NLGN1: variants seen among roughly 807,000 people sequenced by gnomAD.
NLGN1 encodes neuroligin 1.
Under a neutral mutation model 65.5 loss-of-function variants are expected in NLGN1, and 12 were observed. The ratio of observed to expected loss-of-function variants is 0.18; its 90% CI spans 0.12 to 0.30. The LOEUF (loss-of-function observed/expected upper bound fraction) is 0.30. NLGN1 is among the 10% of genes least tolerant of loss of function. The pLI, the probability that NLGN1 is intolerant of heterozygous loss-of-function variation, is 1.00. For synonymous variants in NLGN1, 350 were observed against 359.5 expected (o/e 0.97, Z 0.30); for missense variants, 750 against 1,007.1 (o/e 0.74, Z 3.46).
chr3:174,247,199 A>G (rs1345145887), intron 4 of NLGN1, among the ~76,000 whole-genome samples: 1 of 152,210 alleles, frequency 6.6e-6, no homozygotes, highest in Non-Finnish European at 1.5e-5. Context: ...GATCAATATC[A>G]AAGGTTCTTC....
At chr3:173,852,355 C>CAAAAAAAAA (rs71162367) in intron 4 of NLGN1, among the ~76,000 whole-genome samples, 4 of 46,660 alleles carry the variant, frequency 8.6e-5, no homozygotes, top group African/African-American at 3.3e-4. Flanking sequence ...GACTCCGTCT[C>CAAAAAAAAA]AAAAAAAAAA....
intron 4 of NLGN1, among the ~76,000 whole-genome samples, chr3:174,273,490 A>AGAGTT (rs1749888683): frequency 6.6e-6 from 1 of 151,740 alleles, no homozygotes; most frequent in African/African-American, 2.4e-5. Context: ...GATAGCAAAT[A>AGAGTT]GAGTTAAAAG....
intron 2 of NLGN1, among the ~76,000 whole-genome samples, chr3:173,594,038 G>T (rs982533033): frequency 3.9e-5 from 6 of 152,172 alleles, no homozygotes; most frequent in South Asian, 2.1e-4. Flanking sequence ...CAGGATGAGA[G>T]TTGGGTGGGG....
chr3:173,651,115 C>T (rs1466754269), intron 3 of NLGN1, among the ~76,000 whole-genome samples: 1 of 151,734 alleles, frequency 6.6e-6, no homozygotes, highest in Non-Finnish European at 1.5e-5. Flanking sequence ...CTCCAGTATC[C>T]ATTATTCCAC....
intron 2 of NLGN1, among the ~76,000 whole-genome samples, chr3:173,508,789 C>T (rs188331481): frequency 7.9e-5 from 12 of 152,288 alleles, no homozygotes; most frequent in Admixed American, 4.6e-4. Flanking sequence ...TCTTATCGAA[C>T]TCTCCTCTCC....
chr3:174,138,682 C>T (rs1721704212), intron 4 of NLGN1, among the ~76,000 whole-genome samples: 7 of 152,202 alleles, frequency 4.6e-5, no homozygotes, highest in Admixed American at 3.9e-4. Flanking sequence ...GATCCGCCCG[C>T]CTCGGCCTCC....
At chr3:174,183,395 A>G (rs1730807420) in intron 4 of NLGN1, among the ~76,000 whole-genome samples, 1 of 152,136 alleles carries the variant, frequency 6.6e-6, no homozygotes, top group Non-Finnish European at 1.5e-5. Context: ...CCTTCTACCC[A>G]TATTCAAGAT....
intron 4 of NLGN1, among the ~76,000 whole-genome samples, chr3:174,271,184 A>G (rs546188613): frequency 1.7e-4 from 26 of 151,980 alleles, no homozygotes; most frequent in African/African-American, 4.6e-4. Flanking sequence ...AACTATAAAC[A>G]TAGGCACTCA....
chr3:174,234,582 C>G (rs1243565971), intron 4 of NLGN1, among the ~76,000 whole-genome samples: 1 of 152,134 alleles, frequency 6.6e-6, no homozygotes, highest in Non-Finnish European at 1.5e-5. Flanking sequence ...AGCTGATGAG[C>G]ACTAGTTTTA....
At chr3:174,100,405 A>G (rs374331594) in intron 4 of NLGN1, among the ~76,000 whole-genome samples, 1 of 152,196 alleles carries the variant, frequency 6.6e-6, no homozygotes, top group South Asian at 2.1e-4. Flanking sequence ...TGCTAGAAAC[A>G]TATTCCAAAA....
At chr3:173,757,102 G>A (rs112107858) in intron 3 of NLGN1, among the ~76,000 whole-genome samples, 3 of 151,910 alleles carry the variant, frequency 2.0e-5, no homozygotes, top group Admixed American at 1.3e-4. Context: ...AGAATTCTGT[G>A]TGTAAATTGT....
intron 2 of NLGN1, among the ~76,000 whole-genome samples, chr3:173,436,300 A>C (rs1718126395): frequency 1.3e-5 from 2 of 152,212 alleles, no homozygotes. Flanking sequence ...AAATTATTTC[A>C]GAGTAGTTAT....
chr3:173,645,621 G>A (rs899408270), intron 3 of NLGN1, among the ~76,000 whole-genome samples: 1 of 152,172 alleles, frequency 6.6e-6, no homozygotes, highest in Non-Finnish European at 1.5e-5. Context: ...AGGAAAATTA[G>A]TTCCATGGGG....
intron 4 of NLGN1, among the ~76,000 whole-genome samples, chr3:174,061,247 G>A (rs1162099528): frequency 6.6e-6 from 1 of 152,110 alleles, no homozygotes; most frequent in Non-Finnish European, 1.5e-5. Flanking sequence ...TGCAGAAGTT[G>A]AGGGATTCAT....
intron 4 of NLGN1, among the ~76,000 whole-genome samples, chr3:174,128,969 C>T (rs899969018): frequency 6.6e-6 from 1 of 152,056 alleles, no homozygotes; most frequent in Non-Finnish European, 1.5e-5. Context: ...CATCCTTGTC[C>T]TGTGGAGAGC....
intron 2 of NLGN1, among the ~76,000 whole-genome samples, chr3:173,469,629 T>A (rs1312724149): frequency 6.7e-6 from 1 of 149,992 alleles, no homozygotes; most frequent in East Asian, 1.9e-4. Context: ...GCATATGCAC[T>A]TTTAAAAACT....
At chr3:173,932,587 A>G (rs907453037) in intron 4 of NLGN1, among the ~76,000 whole-genome samples, 4 of 152,114 alleles carry the variant, frequency 2.6e-5, no homozygotes, top group African/African-American at 4.8e-5. Context: ...CTTTAATACT[A>G]TTGCTCAGGA....
At chr3:173,824,459 T>C (rs1172567911) in intron 4 of NLGN1, among the ~76,000 whole-genome samples, 2 of 152,094 alleles carry the variant, frequency 1.3e-5, no homozygotes, top group African/African-American at 4.8e-5. Flanking sequence ...TTTATTGTTG[T>C]TTTTAAAAAA....
chr3:174,252,679 T>C (rs769888051), intron 4 of NLGN1, among the ~76,000 whole-genome samples: 8 of 152,208 alleles, frequency 5.3e-5, no homozygotes, highest in Non-Finnish European at 8.8e-5. Flanking sequence ...TGGAATTCTT[T>C]ACATTCTTTA....
Sources: allele counts gnomAD v4.1 joint callset (sites outside exome capture counted in the v4.1 genomes callset), GRCh38; gene constraint gnomAD v4.1.1; transcripts MANE v1.5; gene names NCBI Gene and HGNC (gene_info 2026-07-23, HGNC 2026-07-21).